The following PIP5K1B variants were observed in gnomAD, a reference collection of about 807,000 sequenced individuals.
PIP5K1B encodes the protein phosphatidylinositol-4-phosphate 5-kinase type 1 beta, also known as phosphatidylinositol 4-phosphate 5-kinase type-1 beta.
Under a neutral mutation model 67.0 loss-of-function variants are expected in PIP5K1B, and 42 were observed. The observed-to-expected ratio is 0.63, with a 90% CI of 0.49 to 0.81. The LOEUF is 0.81. Ranked by LOEUF, PIP5K1B falls within the 30% of genes least tolerant of loss-of-function variation. The probability of loss-of-function intolerance (pLI) is 0.00; values close to 1 mark genes in which losing one functional copy is unlikely to be tolerated. For missense variants in PIP5K1B, 459 were observed against 646.3 expected (o/e 0.71, Z 3.14); for synonymous variants, 214 against 231.4 (o/e 0.92, Z 0.68).
chr9:68,958,378 A>G (rs1308621507), intron 14 of PIP5K1B, among the ~76,000 whole-genome samples: 1 of 152,158 alleles, frequency 6.6e-6, no homozygotes, highest in Non-Finnish European at 1.5e-5. Flanking sequence ...TTTTAATGAA[A>G]CATATTTTCT....
At chr9:68,847,986 GAC>G (rs2132186542) in intron 4 of PIP5K1B, among the ~76,000 whole-genome samples, 1 of 152,296 alleles carries the variant, frequency 6.6e-6, no homozygotes, top group East Asian at 1.9e-4. Flanking sequence ...CATCAGGTAT[GAC>G]AGTTATGAGC....
chr9:68,707,857 A>G (rs1827195907), intron 1 of PIP5K1B: 1 of 152,196 alleles, frequency 6.6e-6, no homozygotes, highest in Non-Finnish European at 1.5e-5. Flanking sequence ...CTGGGCCATC[A>G]TATCACTTCC....
At chr9:68,988,475 A>T (rs894296535) in intron 14 of PIP5K1B, among the ~76,000 whole-genome samples, 1 of 131,718 alleles carries the variant, frequency 7.6e-6, no homozygotes. Context: ...TTTGAGATGA[A>T]GTCTCACTCT....
At position 68,855,067 on chromosome 9, in the gene PIP5K1B, A is replaced by G. The variant is rs533543552; in HGVS notation, c.70-8770A>G. ...TTAGGTTTATATATGAATTAACAAT[A>G]TGAATGAGAAAAATATAGAGAATTT... is the stretch of plus-strand genomic sequence containing the variant. On this transcript the variant is annotated intron_variant, in intron 4 of 15. Transcript: ENST00000265382. Among the ~76,000 whole-genome samples the G allele has an allele frequency of 2.6e-5, 4 of 152,374 alleles. 1 individual carries two copies. The highest frequency in any genetic ancestry group is 1.9e-4 in the East Asian group (1 of 5,194).
chr9:68,880,158 T>C (rs1824108611), intron 6 of PIP5K1B, among the ~76,000 whole-genome samples: 1 of 152,194 alleles, frequency 6.6e-6, no homozygotes, highest in Admixed American at 6.5e-5. Context: ...TGATCATTGA[T>C]TGATCATGAA....
intron 14 of PIP5K1B, among the ~76,000 whole-genome samples, chr9:68,977,543 CT>C (rs1174160327): frequency 1.3e-5 from 2 of 151,846 alleles, no homozygotes; most frequent in African/African-American, 4.8e-5. Flanking sequence ...AGAGAAATTA[CT>C]TTGATGGTGA....
intron 6 of PIP5K1B, among the ~76,000 whole-genome samples, chr9:68,887,601 GA>G (rs1396514365): frequency 2.6e-5 from 4 of 152,212 alleles, no homozygotes; most frequent in Non-Finnish European, 4.4e-5. Context: ...AGAAAAACAT[GA>G]AGAGATTTGC....
chr9:68,787,442 G>A (rs763016199), intron 2 of PIP5K1B, among the ~76,000 whole-genome samples: 6 of 152,150 alleles, frequency 3.9e-5, no homozygotes, highest in Non-Finnish European at 7.3e-5. Flanking sequence ...GGACCAGAAA[G>A]AAACCAACTC....
chr9:68,930,605 T>A lies in PIP5K1B; in HGVS notation c.1202-4285T>A, dbSNP rs543191551. Reference sequence around the variant, plus strand: ...GTTTGCAGGTTTTATTATTATTTTTTTTTTTGCATAAAGTTGTGGCCCCAA... The same window carrying A: ...GTTTGCAGGTTTTATTATTATTTTTATTTTTGCATAAAGTTGTGGCCCCAA... On this transcript the variant is annotated intron_variant, in intron 12 of 15. Transcript: ENST00000265382. 7.9e-5 allele frequency among the ~76,000 whole-genome samples: 12 copies of A among 152,202 alleles called. 1 individual carries two copies. Among genetic ancestry groups the A allele is most frequent in the South Asian group, 6.2e-4 (3 of 4,816 alleles).
intron 4 of PIP5K1B, among the ~76,000 whole-genome samples, chr9:68,830,893 G>A (rs1028802607): frequency 3.9e-5 from 6 of 152,324 alleles, no homozygotes; most frequent in South Asian, 2.1e-4. Context: ...ACCTGGTTCC[G>A]ATCTGGCCAG....
intron 14 of PIP5K1B, among the ~76,000 whole-genome samples, chr9:68,950,823 A>G (rs1828029974): frequency 6.6e-6 from 1 of 152,234 alleles, no homozygotes; most frequent in Non-Finnish European, 1.5e-5. Flanking sequence ...CTGTGGAGTC[A>G]TCACCACAGT....
chr9:68,817,701 A>G (rs1833516386), intron 2 of PIP5K1B, among the ~76,000 whole-genome samples: 1 of 151,218 alleles, frequency 6.6e-6, no homozygotes, highest in Non-Finnish European at 1.5e-5. Context: ...TGGGGGAGAT[A>G]AGACCTCATT....
At chr9:68,878,649 A>T (rs1321985892) in intron 6 of PIP5K1B, among the ~76,000 whole-genome samples, 1 of 152,182 alleles carries the variant, frequency 6.6e-6, no homozygotes, top group African/African-American at 2.4e-5. Flanking sequence ...AAAAACTGCA[A>T]GTCATGACAC....
At chr9:68,858,009 T>C (rs1822871691) in intron 4 of PIP5K1B, among the ~76,000 whole-genome samples, 2 of 142,684 alleles carry the variant, frequency 1.4e-5, no homozygotes, top group Admixed American at 7.2e-5. Flanking sequence ...AGTCTTGCTC[T>C]TTTGCCCAGG....
chr9:68,779,939 A>C (rs1258926330), intron 2 of PIP5K1B: 4 of 495,360 alleles, frequency 8.1e-6, no homozygotes, highest in African/African-American at 2.0e-5. Context: ...TAGCGGCCCG[A>C]CCACTCCTCG....
intron 2 of PIP5K1B, chr9:68,789,505 GAC>G: frequency 1.9e-6 from 1 of 521,252 alleles, no homozygotes; most frequent in Non-Finnish European, 3.9e-6. Flanking sequence ...ACACTTAAGA[GAC>G]AGTGGTGAGG....
At chr9:68,778,719 A>C (rs1831050543) in intron 2 of PIP5K1B, among the ~76,000 whole-genome samples, 1 of 152,214 alleles carries the variant, frequency 6.6e-6, no homozygotes, top group Non-Finnish European at 1.5e-5. Flanking sequence ...AGATAATATC[A>C]GTCCCCTGCT....
intron 2 of PIP5K1B, among the ~76,000 whole-genome samples, chr9:68,748,613 CTTTTTT>C (rs58954806): frequency 4.1e-5 from 4 of 98,276 alleles, no homozygotes; most frequent in South Asian, 3.5e-4. Flanking sequence ...GATTTCTTTT[CTTTTTT>C]TTTTTTTTTT....
At chr9:68,757,951 A>G (rs12340532) in intron 2 of PIP5K1B, among the ~76,000 whole-genome samples, 9,096 of 152,212 alleles carry the variant, frequency 0.06, 536 homozygotes, top group African/African-American at 0.14. Flanking sequence ...GGAAATGACC[A>G]GAATTGGAAG....
Sources: gnomAD v4.1 joint callset for allele counts (sites outside exome capture counted in the v4.1 genomes callset) on GRCh38, gnomAD v4.1.1 for gene constraint, MANE v1.5 for transcripts, NCBI Gene and HGNC (gene_info 2026-07-23, HGNC 2026-07-21) for gene names.